The following DLGAP2 variants were observed in gnomAD, a reference collection of about 807,000 sequenced individuals.
DLGAP2 encodes the protein DLG associated protein 2.
A neutral mutation model predicts 100.3 loss-of-function variants in DLGAP2; 26 were observed. That is an observed-to-expected ratio of 0.26 (90% confidence interval 0.19 to 0.36). The LOEUF is 0.36. Ranked by LOEUF, DLGAP2 falls within the 10% of genes least tolerant of loss-of-function variation. DLGAP2 has a pLI of 1.00. For synonymous variants in DLGAP2, 886 were observed against 630.1 expected (o/e 1.41, Z -6.08); for missense variants, 1,858 against 1,453.2 (o/e 1.28, Z -4.53).
chr8:1,227,183 A>ATATATATATATATATATATATATC (rs1563265070), intron 2 of DLGAP2, among the ~76,000 whole-genome samples: 3 of 132,536 alleles, frequency 2.3e-5, no homozygotes, highest in Admixed American at 7.3e-5. Flanking sequence ...TAGTATAGAT[A>ATATATATATATATATATATATATC]TATATTATCC....
intron 2 of DLGAP2, among the ~76,000 whole-genome samples, chr8:1,007,165 G>C (rs1377447273): frequency 6.7e-6 from 1 of 149,400 alleles, no homozygotes; most frequent in East Asian, 2.0e-4. Flanking sequence ...CCGTGTATAT[G>C]AAGTCTCGGG....
At chr8:838,298 A>G (rs1256739387) in intron 1 of DLGAP2, among the ~76,000 whole-genome samples, 1 of 152,168 alleles carries the variant, frequency 6.6e-6, no homozygotes, top group African/African-American at 2.4e-5. Context: ...GTGTTTAGGA[A>G]TCTCATGGTT....
At chr8:1,367,433 T>C (rs1802133300) in intron 3 of DLGAP2, among the ~76,000 whole-genome samples, 2 of 152,352 alleles carry the variant, frequency 1.3e-5, no homozygotes, top group African/African-American at 4.8e-5. Context: ...CACACACTAA[T>C]GGGCGTTGTG....
At chr8:918,528 T>C (rs1178076849) in intron 2 of DLGAP2, among the ~76,000 whole-genome samples, 2 of 152,192 alleles carry the variant, frequency 1.3e-5, no homozygotes, top group Non-Finnish European at 2.9e-5. Flanking sequence ...GCTGTGTCTG[T>C]GCCCCGCTGT....
intron 1 of DLGAP2, among the ~76,000 whole-genome samples, chr8:861,595 G>A (rs1034088835): frequency 2.6e-5 from 4 of 152,146 alleles, no homozygotes; most frequent in Admixed American, 1.3e-4. Flanking sequence ...TTTTAACAGC[G>A]CTTTTGAAAA....
At chr8:1,519,522 A>T (rs1800513926) in intron 4 of DLGAP2, among the ~76,000 whole-genome samples, 1 of 152,160 alleles carries the variant, frequency 6.6e-6, no homozygotes. Context: ...CCAGGAAGAG[A>T]CTTTCGTTAG....
At chr8:1,327,959 T>C (rs1801060334) in intron 3 of DLGAP2, among the ~76,000 whole-genome samples, 1 of 152,214 alleles carries the variant, frequency 6.6e-6, no homozygotes. Context: ...CTGGTTTGTG[T>C]CTTTGGGCCC....
chr8:1,012,184 A>T (rs1044565887), intron 2 of DLGAP2, among the ~76,000 whole-genome samples: 1 of 151,982 alleles, frequency 6.6e-6, no homozygotes, highest in Admixed American at 6.6e-5. Context: ...TCTGCCTTTT[A>T]ATTTTCGTCC....
At chr8:1,266,372 C>T (rs985231766) in intron 3 of DLGAP2, among the ~76,000 whole-genome samples, 34 of 152,184 alleles carry the variant, frequency 2.2e-4, no homozygotes, top group African/African-American at 1.4e-4. Flanking sequence ...ACTCTGTCTA[C>T]GGGGCAAGGT....
chr8:773,056 G>A (rs1347647349), intron 1 of DLGAP2, among the ~76,000 whole-genome samples: 1 of 152,194 alleles, frequency 6.6e-6, no homozygotes, highest in African/African-American at 2.4e-5. Context: ...GGCCATTGCT[G>A]ACAGATCTGT....
intron 3 of DLGAP2, among the ~76,000 whole-genome samples, chr8:1,484,635 C>G (rs1422727723): frequency 1.3e-5 from 2 of 152,354 alleles, no homozygotes; most frequent in South Asian, 2.1e-4. Context: ...AACTTACAAG[C>G]TGGACAGGAA....
At chr8:1,191,834 C>G (rs560703808) in intron 2 of DLGAP2, among the ~76,000 whole-genome samples, 3 of 152,220 alleles carry the variant, frequency 2.0e-5, no homozygotes, top group East Asian at 3.9e-4. Context: ...TGCCTTTAAG[C>G]TGATATTACG....
At chr8:1,467,906 T>A (rs888687332) in intron 3 of DLGAP2, among the ~76,000 whole-genome samples, 1 of 152,218 alleles carries the variant, frequency 6.6e-6, no homozygotes, top group African/African-American at 2.4e-5. Flanking sequence ...ATCATACAGC[T>A]TTGTTTCACT....
chr8:1,392,087 C>G (rs904367133), intron 3 of DLGAP2, among the ~76,000 whole-genome samples: 1 of 152,206 alleles, frequency 6.6e-6, no homozygotes, highest in African/African-American at 2.4e-5. Flanking sequence ...GGTCATAGGA[C>G]TGAGAGCATG....
rs190475760 is a variant in DLGAP2 at position 909,392 on chromosome 8, A to G, written c.73+1426A>G. Among the ~76,000 whole-genome samples the G allele has an allele frequency of 3.2e-3, 488 of 152,338 alleles. 3 individuals are homozygous for G. Among genetic ancestry groups the G allele is most frequent in the African/African-American group, 0.011 (458 of 41,572 alleles). On this transcript the variant is annotated intron_variant, in intron 2 of 14. Transcript: ENST00000637795. ...AAGAAACATCAGGAATAACGATAAA[A>G]TAAGTTAAAAGCTAACTACTGTACT... is the stretch of plus-strand genomic sequence containing the variant.
intron 2 of DLGAP2, among the ~76,000 whole-genome samples, chr8:1,128,381 G>A (rs1352741258): frequency 6.6e-6 from 1 of 152,180 alleles, no homozygotes; most frequent in African/African-American, 2.4e-5. Context: ...GTTCTGTGAG[G>A]GCCTGCAGGG....
At chr8:915,699 G>T (rs920875128) in intron 2 of DLGAP2, among the ~76,000 whole-genome samples, 9 of 152,150 alleles carry the variant, frequency 5.9e-5, no homozygotes, top group Non-Finnish European at 8.8e-5. Context: ...CAAATGTGTG[G>T]TCATTTGTTA....
intron 2 of DLGAP2, among the ~76,000 whole-genome samples, chr8:1,186,745 C>T (rs940787445): frequency 2.6e-5 from 4 of 152,224 alleles, no homozygotes; most frequent in Admixed American, 6.5e-5. Context: ...TTCACGTCGT[C>T]GCCTCCCCTG....
chr8:857,458 A>T (rs1797301062), intron 1 of DLGAP2, among the ~76,000 whole-genome samples: 1 of 152,228 alleles, frequency 6.6e-6, no homozygotes. Flanking sequence ...GAGCATGCAA[A>T]ATATACAAAT....
Sources: gnomAD v4.1 joint callset for allele counts (sites outside exome capture counted in the v4.1 genomes callset) on GRCh38, gnomAD v4.1.1 for gene constraint, MANE v1.5 for transcripts, NCBI Gene and HGNC (gene_info 2026-07-23, HGNC 2026-07-21) for gene names.